Variants in CDH12 observed in about 807,000 individuals in gnomAD.
CDH12 encodes the protein cadherin-12.
Under a neutral mutation model 74.1 loss-of-function variants are expected in CDH12, and 41 were observed. That is an observed-to-expected ratio of 0.55 (90% CI 0.43 to 0.72). The LOEUF (loss-of-function observed/expected upper bound fraction) is 0.72. CDH12 is among the 30% of genes least tolerant of loss of function. The pLI is 0.00. For synonymous variants in CDH12, 399 were observed against 355.0 expected (o/e 1.12, Z -1.39); for missense variants, 945 against 977.2 (o/e 0.97, Z 0.44).
At chr5:22,485,770 A>C (rs975061388) in intron 2 of CDH12, among the ~76,000 whole-genome samples, 1 of 152,214 alleles carries the variant, frequency 6.6e-6, no homozygotes, top group African/African-American at 2.4e-5. Flanking sequence ...AATAGAGGAA[A>C]ACACCTTAGC....
intron 6 of CDH12, among the ~76,000 whole-genome samples, chr5:21,914,245 T>C (rs889680895): frequency 1.3e-5 from 2 of 152,186 alleles, no homozygotes; most frequent in South Asian, 4.1e-4. Context: ...ATATTTGCTA[T>C]TCATCTTCTA....
chr5:22,415,573 C>T (rs1313265632), intron 2 of CDH12, among the ~76,000 whole-genome samples: 1 of 152,170 alleles, frequency 6.6e-6, no homozygotes, highest in Non-Finnish European at 1.5e-5. Context: ...TGAAGAAGCC[C>T]AGGCTGGCTT....
chr5:22,569,990 A>G (rs993662971), intron 1 of CDH12, among the ~76,000 whole-genome samples: 1 of 152,146 alleles, frequency 6.6e-6, no homozygotes, highest in Non-Finnish European at 1.5e-5. Flanking sequence ...CATCATAGGG[A>G]TTAGTATCTA....
chr5:22,713,733 G>A (rs1161514895), intron 1 of CDH12, among the ~76,000 whole-genome samples: 1 of 152,136 alleles, frequency 6.6e-6, no homozygotes, highest in Non-Finnish European at 1.5e-5. Flanking sequence ...GTGTGTGCCT[G>A]TGTTATTAAA....
chr5:21,755,901 A>G (rs1744370440), intron 13 of CDH12, 59 bp from the exon 14 acceptor site: 3 of 1,527,530 alleles, frequency 2.0e-6, no homozygotes, highest in Non-Finnish European at 2.7e-6. Context: ...CAAATCTTCA[A>G]GTTGGTATCT....
intron 6 of CDH12, among the ~76,000 whole-genome samples, chr5:21,856,418 A>G (rs1309469586): frequency 6.6e-6 from 1 of 151,768 alleles, no homozygotes; most frequent in Non-Finnish European, 1.5e-5. Flanking sequence ...TTGAAAAACT[A>G]TAAATTGTTC....
At chr5:21,854,945 C>G (rs1750678319) in intron 6 of CDH12, among the ~76,000 whole-genome samples, 155 bp from the exon 7 acceptor site, 1 of 151,728 alleles carries the variant, frequency 6.6e-6, no homozygotes, top group Admixed American at 6.6e-5. Context: ...ACCGTTATAA[C>G]CAAAATGTTG....
intron 1 of CDH12, among the ~76,000 whole-genome samples, chr5:22,833,111 G>C (rs1310357436): frequency 6.6e-6 from 1 of 152,114 alleles, no homozygotes; most frequent in East Asian, 1.9e-4. Context: ...TCCCCAGGTA[G>C]ATATCTAGTG....
chr5:22,490,277 G>C (rs1056964715), intron 2 of CDH12, among the ~76,000 whole-genome samples: 10 of 152,134 alleles, frequency 6.6e-5, no homozygotes, highest in Non-Finnish European at 1.5e-4. Flanking sequence ...AAGAGAATAT[G>C]AGCATCACAT....
intron 4 of CDH12, among the ~76,000 whole-genome samples, chr5:22,134,137 C>A (rs552368698): frequency 6.6e-6 from 1 of 152,032 alleles, no homozygotes; most frequent in African/African-American, 2.4e-5. Context: ...ACCAAGCTAG[C>A]GTGACCATCA....
chr5:22,599,652 TTA>T lies in CDH12; in HGVS notation c.-522-94290_-522-94289del, dbSNP rs1279348487. On this transcript the variant is annotated intron_variant, in intron 1 of 14. Transcript: ENST00000382254. ...AGTTTAGAGTCAAACACCAATGGTA[TTA>T]TATGAAATATTTGATGGAACTATCC... 8.5e-5 allele frequency among the ~76,000 whole-genome samples: 13 copies of T among 152,230 alleles called. 1 individual carries two copies. The highest frequency in any genetic ancestry group is 2.9e-4 in the African/African-American group (12 of 41,554).
At chr5:22,642,767 T>C (rs546893414) in intron 1 of CDH12, among the ~76,000 whole-genome samples, 171 of 152,258 alleles carry the variant, frequency 1.1e-3, no homozygotes, top group Non-Finnish European at 1.8e-3. Flanking sequence ...TTTACTAAAG[T>C]TTTCAAAGTT....
chr5:22,223,788 C>A (rs1402986884), intron 3 of CDH12, among the ~76,000 whole-genome samples: 1 of 151,870 alleles, frequency 6.6e-6, no homozygotes, highest in African/African-American at 2.4e-5. Flanking sequence ...GAAAGCTGGG[C>A]CGCGAGACAG....
intron 3 of CDH12, among the ~76,000 whole-genome samples, chr5:22,220,605 A>G (rs1751980278): frequency 9.7e-6 from 1 of 103,478 alleles, no homozygotes; most frequent in Non-Finnish European, 2.4e-5. Flanking sequence ...AGAAAGGGAT[A>G]ATTTTTCTTT....
rs561550938 is a variant in CDH12, at chr5:21,821,316, T to C, written c.815-4184A>G. ...ATACTGATGAAAACACCAAAATAAA[T>C]ATATTTACTTGACAAAATATAAATG... On this transcript the variant is annotated intron_variant, in intron 8 of 14. Coordinates refer to ENST00000382254, the MANE Select transcript of CDH12 (RefSeq NM_004061.5). Among the ~76,000 whole-genome samples, 8 of 151,954 alleles carry C rather than the reference T, an allele frequency of 5.3e-5. No individual in the cohort carries two copies. The South Asian group carries it at 1.7e-3, about 31-fold the overall frequency.
chr5:22,367,589 A>G (rs1037734833), intron 3 of CDH12, among the ~76,000 whole-genome samples: 7 of 152,168 alleles, frequency 4.6e-5, no homozygotes, highest in Admixed American at 2.0e-4. Flanking sequence ...CCTTGGTCAT[A>G]TTTTAGGTTT....
intron 3 of CDH12, among the ~76,000 whole-genome samples, chr5:22,257,055 A>G (rs1483992724): frequency 2.6e-5 from 4 of 152,240 alleles, no homozygotes; most frequent in Admixed American, 2.0e-4. Context: ...TGTTATCCTT[A>G]GAAAACTAAC....
At chr5:22,153,903 T>TATATATATACAC (rs1478012877) in intron 4 of CDH12, among the ~76,000 whole-genome samples, 1 of 111,146 alleles carries the variant, frequency 9.0e-6, no homozygotes, top group African/African-American at 3.5e-5. Flanking sequence ...TATATATATA[T>TATATATATACAC]ACACACACAT....
In CDH12 at chr5:21,802,303, T is replaced by C; in HGVS notation, c.1120A>G (p.Ser374Gly). The C allele has an allele frequency of 6.2e-7, 1 of 1,613,906 alleles. No homozygotes were observed. The highest frequency in any genetic ancestry group is 8.5e-7 in the Non-Finnish European group (1 of 1,179,970). Residue 374 changes from serine to glycine, a missense_variant, in exon 10 of 15, where the codon AGC (serine) becomes GGC (glycine). Transcript: ENST00000382254. Reference protein sequence around the residue: ...PFKDTATVKISVLDVDEPPVF... With the variant: ...PFKDTATVKIGVLDVDEPPVF... ...GGTGGCTCATCTACGTCCAGCACGCTGATCTTCACCGTAGCTGTGTCTTTG... is the reference window on the plus strand; with the variant it reads ...GGTGGCTCATCTACGTCCAGCACGCCGATCTTCACCGTAGCTGTGTCTTTG...
Sources: allele counts gnomAD v4.1 joint callset (sites outside exome capture counted in the v4.1 genomes callset), GRCh38; gene constraint gnomAD v4.1.1; transcripts MANE v1.5; gene names NCBI Gene and HGNC (gene_info 2026-07-23, HGNC 2026-07-21).